Variants in CAPN14 observed in about 807,000 individuals in gnomAD.
CAPN14 encodes calpain 14, also known as calpain-14.
In CAPN14, 94 loss-of-function variants were observed where a neutral mutation model predicts 101.3. The ratio of observed to expected loss-of-function variants is 0.93; its 90% CI spans 0.79 to 1.10. The LOEUF is 1.10. Among genes scored for constraint, CAPN14 ranks in the 50% least tolerant of loss-of-function variants. The pLI is 0.00. For synonymous variants in CAPN14, 338 were observed against 317.9 expected, an observed-to-expected ratio of 1.06 and a Z score of -0.67; for missense variants, 837 against 828.4, an observed-to-expected ratio of 1.01 and a Z score of -0.13.
Position 31,173,102 on chromosome 2 carries a change from T to C in CAPN14, c.*1579A>G, listed in dbSNP as rs1016715896. On this transcript the variant is annotated 3_prime_UTR_variant, in exon 22 of 22. Coordinates refer to ENST00000403897, the MANE Select transcript of CAPN14 (RefSeq NM_001145122.2). The stretch of plus-strand genomic sequence containing the variant: ...GGTTTATTAAAACAGCTATTTGCAA[T>C]GGCAGATTTTAAAGACAAAGACACA... 1.3e-5 allele frequency: 2 copies of C among 152,174 alleles called. No individual in the cohort carries two copies. The highest frequency in any genetic ancestry group is 6.5e-5 in the Admixed American group (1 of 15,280). The allele number at this position is 152,174 out of a possible 1,614,324, so 9.4% of individuals were successfully genotyped here.
upstream of CAPN14, among the ~76,000 whole-genome samples, chr2:31,220,373 C>T (rs1276688908): frequency 6.6e-6 from 1 of 152,196 alleles, no homozygotes; most frequent in Admixed American, 6.5e-5. Context: ...TACTGAAATG[C>T]CTATGGCTAA....
chr2:31,209,385 G>A (rs1037844144), intron 1 of CAPN14, among the ~76,000 whole-genome samples: 6 of 152,066 alleles, frequency 3.9e-5, no homozygotes, highest in South Asian at 2.1e-4. Context: ...TAGGAAGGGC[G>A]TTATGATGGT....
Position 31,177,148 on chromosome 2 carries a change from T to A in CAPN14, c.1856-6A>T. ...GTCATCACTGAGCATGATTCCTGCA[T>A]TGAGCACAAGCTCCTGCTGTGGGTA... is the stretch of plus-strand genomic sequence containing the variant. On this transcript the variant is annotated splice_polypyrimidine_tract_variant and splice_region_variant and intron_variant, in intron 19 of 21. Transcript: ENST00000403897. 2 of 1,546,916 alleles carry A rather than the reference T, an allele frequency of 1.3e-6. No homozygotes were observed. The highest frequency in any genetic ancestry group is 1.7e-6 in the Non-Finnish European group (2 of 1,143,380).
intron 1 of CAPN14, among the ~76,000 whole-genome samples, chr2:31,232,424 C>T (rs1473155635): frequency 6.6e-6 from 1 of 152,206 alleles, no homozygotes; most frequent in Non-Finnish European, 1.5e-5. Context: ...TAAATGGTCT[C>T]TTGGCCTCTG....
chr2:31,233,433 C>T (rs1416411793), intron 1 of CAPN14, among the ~76,000 whole-genome samples: 1 of 152,322 alleles, frequency 6.6e-6, no homozygotes, highest in East Asian at 1.9e-4. Context: ...CTCAAATTAG[C>T]CACACAAAAG....
chr2:31,206,038 A>AT lies in CAPN14; in HGVS notation c.-52-540dup, dbSNP rs113792962. Among the ~76,000 whole-genome samples the AT allele has an allele frequency of 9.4e-4, 93 of 98,574 alleles. 2 individuals are homozygous for AT. Among genetic ancestry groups the AT allele is most frequent in the African/African-American group, 2.0e-3 (51 of 25,652 alleles). The allele number at this position is 98,574 out of a possible 152,430, so 64.7% of individuals were successfully genotyped here. Reference sequence around the variant, plus strand: ...TTATCTTTATTTTTTTTATTTATTTATTTTTTTTTTTTGAGACAGAGTCTC... The same window carrying AT: ...TTATCTTTATTTTTTTTATTTATTTATTTTTTTTTTTTTGAGACAGAGTCTC... On this transcript the variant is annotated intron_variant, in intron 1 of 21. Transcript: ENST00000403897.
At chr2:31,205,149 T>C in intron 2 of CAPN14, 74 bp downstream of exon 2, 1 of 1,313,566 alleles carries the variant, frequency 7.6e-7, no homozygotes, top group Middle Eastern at 2.6e-4. Context: ...TTTTCTCCCA[T>C]ATATCTTAGG....
chr2:31,174,642 T>G lies in CAPN14; in HGVS notation c.*39A>C, dbSNP rs571119228. ...AGCCAAAGGCTGCTCTTGGGCCACA[T>G]GCAGAGTCTTCAGTGAGGGCAGGTG... is the stretch of plus-strand genomic sequence containing the variant. On this transcript the variant is annotated 3_prime_UTR_variant, in exon 22 of 22. Coordinates refer to ENST00000403897, the MANE Select transcript of CAPN14 (RefSeq NM_001145122.2). 4.5e-6 allele frequency: 7 copies of G among 1,550,564 alleles called. No individual in the cohort carries two copies. In the African/African-American group the frequency reaches 9.6e-5, roughly 21 times the overall value.
intron 1 of CAPN14, among the ~76,000 whole-genome samples, chr2:31,207,346 G>A (rs1339863871): frequency 2.0e-5 from 3 of 152,136 alleles, no homozygotes; most frequent in Non-Finnish European, 4.4e-5. Context: ...TACTGTCTTG[G>A]TGCTTCTCAA....
intron 19 of CAPN14, 29 bp downstream of exon 19, chr2:31,177,717 C>A (rs1411550671): frequency 2.0e-6 from 3 of 1,525,092 alleles, no homozygotes; most frequent in Admixed American, 2.0e-5. Context: ...CCCGTGTGTG[C>A]CCACAGCTCC....
intron 2 of CAPN14, 124 bp from the exon 3 acceptor site, chr2:31,203,263 T>C: frequency 2.9e-6 from 2 of 684,968 alleles, no homozygotes; most frequent in South Asian, 1.8e-5. Context: ...AATATAGGTG[T>C]AATCAGTGCT....
chr2:31,216,763 T>C (rs13017123), intron 1 of CAPN14, among the ~76,000 whole-genome samples: 86,188 of 151,346 alleles, frequency 0.57, 25,529 homozygotes, highest in East Asian at 0.94. Context: ...CCTCCAGAGC[T>C]TTGAGGAGTG....
At chr2:31,215,462 G>T (rs571914084) in intron 1 of CAPN14, among the ~76,000 whole-genome samples, 1 of 152,110 alleles carries the variant, frequency 6.6e-6, no homozygotes, top group Admixed American at 6.5e-5. Flanking sequence ...TGGTGTGTTA[G>T]TTCCTTTCTG....
chr2:31,197,355 T>A, intron 7 of CAPN14, 21 bp from the exon 8 acceptor site: 1 of 1,501,112 alleles, frequency 6.7e-7, no homozygotes, highest in Non-Finnish European at 9.1e-7. Context: ...TGAGAGGCAG[T>A]TTAGGTGACT....
At position 31,181,711 on chromosome 2, in the gene CAPN14, C is replaced by G. The variant is rs1680646386; in HGVS notation, c.1646-711G>C. Among the ~76,000 whole-genome samples, 3 of 123,912 alleles carry G rather than the reference C, an allele frequency of 2.4e-5. No homozygotes were observed. In the Admixed American group the frequency reaches 2.8e-4, roughly 12 times the overall value. The allele number at this position is 123,912 out of a possible 152,430, so 81.3% of individuals were successfully genotyped here. A position where few individuals can be genotyped will look rare whatever the true frequency, so the allele number is the denominator to read the frequency against. On this transcript the variant is annotated intron_variant, in intron 16 of 21. Transcript: ENST00000403897. ...CAACAGTCCCCAGAGTGTGATGTTC[C>G]CCTTCCTGTGTCCATGTGTTCTCGT...
At chr2:31,208,162 C>CA (rs565220277) in intron 1 of CAPN14, among the ~76,000 whole-genome samples, 10 of 149,348 alleles carry the variant, frequency 6.7e-5, no homozygotes, top group Middle Eastern at 3.4e-3. Flanking sequence ...TTTTTGACTC[C>CA]AAAAAAAAAC....
At chr2:31,201,258 C>CGT (rs928247453) in intron 5 of CAPN14, among the ~76,000 whole-genome samples, 32 of 151,334 alleles carry the variant, frequency 2.1e-4, no homozygotes, top group Non-Finnish European at 2.8e-4. Context: ...TATGTGCATG[C>CGT]GTGTGTGTGT....
chr2:31,180,174 G>T (rs573674080), intron 17 of CAPN14, among the ~76,000 whole-genome samples: 4 of 131,612 alleles, frequency 3.0e-5, no homozygotes, highest in African/African-American at 1.4e-4. Context: ...AGGTGAGGTC[G>T]GCATTAACTC....
intron 1 of CAPN14, among the ~76,000 whole-genome samples, chr2:31,211,493 A>G (rs554676608): frequency 1.3e-5 from 2 of 152,300 alleles, no homozygotes; most frequent in African/African-American, 4.8e-5. Flanking sequence ...TCTATTCTTC[A>G]TAGCGACTCA....
Sources: allele counts gnomAD v4.1 joint callset (sites outside exome capture counted in the v4.1 genomes callset), GRCh38; gene constraint gnomAD v4.1.1; transcripts MANE v1.5; gene names NCBI Gene and HGNC (gene_info 2026-07-23, HGNC 2026-07-21).